Variants in SMG7 observed in about 807,000 individuals in gnomAD.
The protein encoded by SMG7 is SMG7 nonsense mediated mRNA decay factor, also known as nonsense-mediated mRNA decay factor SMG7.
In SMG7, 34 loss-of-function variants were observed where a neutral mutation model predicts 148.2. That is an observed-to-expected ratio of 0.23 (90% CI 0.17 to 0.31). SMG7 has a LOEUF of 0.31. SMG7 is among the 10% of genes least tolerant of loss of function. SMG7 has a pLI of 1.00. For missense variants in SMG7, 1,114 were observed against 1,408.4 expected, an observed-to-expected ratio of 0.79 and a Z score of 3.35; for synonymous variants, 492 against 515.1, an observed-to-expected ratio of 0.96 and a Z score of 0.61.
chr1:183,537,479 A>G (rs1667998086), intron 11 of SMG7, among the ~76,000 whole-genome samples: 1 of 152,154 alleles, frequency 6.6e-6, no homozygotes, highest in Non-Finnish European at 1.5e-5. Context: ...CTTCCTCCTC[A>G]TTCTTACTAT....
chr1:183,489,709 A>G (rs1244466329), intron 1 of SMG7, among the ~76,000 whole-genome samples: 1 of 152,158 alleles, frequency 6.6e-6, no homozygotes, highest in Non-Finnish European at 1.5e-5. Flanking sequence ...AAAGAAGTAT[A>G]AGGGCATTAG....
chr1:183,530,156 C>T (rs1666606899), intron 8 of SMG7, among the ~76,000 whole-genome samples: 1 of 152,032 alleles, frequency 6.6e-6, no homozygotes, highest in African/African-American at 2.4e-5. Context: ...TTTGACTACT[C>T]ATCGGTCATT....
intron 18 of SMG7, among the ~76,000 whole-genome samples, chr1:183,548,420 T>C (rs1670324360): frequency 6.6e-6 from 1 of 152,192 alleles, no homozygotes; most frequent in African/African-American, 2.4e-5. Context: ...AATCCCTTAG[T>C]TCCTGTTCCT....
At chr1:183,513,006 A>G (rs1248588781) in intron 2 of SMG7, 138 bp downstream of exon 2, 2 of 716,714 alleles carry the variant, frequency 2.8e-6, no homozygotes, top group Non-Finnish European at 4.5e-6. Flanking sequence ...TATCTGCTTT[A>G]AATATTTATT....
At chr1:183,494,583 C>T (rs1168634404) in intron 1 of SMG7, among the ~76,000 whole-genome samples, 1 of 149,934 alleles carries the variant, frequency 6.7e-6, no homozygotes, top group Non-Finnish European at 1.5e-5. Flanking sequence ...CAAATTTCCT[C>T]AGCTCTTATG....
intron 1 of SMG7, among the ~76,000 whole-genome samples, chr1:183,504,601 A>G (rs1223948949): frequency 2.0e-5 from 3 of 152,152 alleles, no homozygotes; most frequent in Non-Finnish European, 2.9e-5. Flanking sequence ...GGCCTCCCAA[A>G]GTACTGGGAT....
intron 1 of SMG7, among the ~76,000 whole-genome samples, chr1:183,506,327 A>G (rs1660879207): frequency 1.3e-5 from 2 of 152,160 alleles, no homozygotes; most frequent in Non-Finnish European, 2.9e-5. Flanking sequence ...GCAAATTAGT[A>G]TTTTTATTAA....
intron 1 of SMG7, among the ~76,000 whole-genome samples, chr1:183,511,285 AT>A (rs1662092063): frequency 6.6e-6 from 1 of 152,206 alleles, no homozygotes; most frequent in Admixed American, 6.5e-5. Flanking sequence ...TGTGATGAGC[AT>A]TCTTAAAATC....
At chr1:183,536,072 G>A (rs1036092337) in intron 10 of SMG7, among the ~76,000 whole-genome samples, 1 of 151,862 alleles carries the variant, frequency 6.6e-6, no homozygotes, top group African/African-American at 2.4e-5. Context: ...GATTATTTAC[G>A]TCCAGTTTCT....
chr1:183,519,051 G>T (rs545919520), intron 4 of SMG7, among the ~76,000 whole-genome samples: 1 of 152,228 alleles, frequency 6.6e-6, no homozygotes, highest in South Asian at 2.1e-4. Flanking sequence ...ATTCAAGCAG[G>T]TTGTGGTGCT....
In SMG7 at chr1:183,537,163, T is replaced by C. The variant is rs1246266242; in HGVS notation, c.1182T>C (p.Ile394=). The C allele has an allele frequency of 1.2e-6, 2 of 1,612,984 alleles. No homozygotes were observed. Among genetic ancestry groups the C allele is most frequent in the East Asian group, 4.5e-5 (2 of 44,818 alleles). The change falls in exon 11 of 23, where the codon ATT becomes ATC. Residue 394 remains isoleucine (I), a synonymous_variant. Transcript: ENST00000688051. ...TTTACAGCATTTGGCCCTGGTTGAT[T>C]TCTCTTCTGAATAGTTTCCATCCCC... ...DERQYIWPWL[I]SLLNSFHPHE... is the part of the protein sequence containing the mutation.
chr1:183,517,113 A>G (rs1663725747), intron 3 of SMG7, among the ~76,000 whole-genome samples: 1 of 152,232 alleles, frequency 6.6e-6, no homozygotes, highest in Non-Finnish European at 1.5e-5. Context: ...TTGGTATGCC[A>G]TATTTCAGCA....
At chr1:183,490,689 T>C (rs921751677) in intron 1 of SMG7, among the ~76,000 whole-genome samples, 2 of 152,214 alleles carry the variant, frequency 1.3e-5, no homozygotes, top group African/African-American at 2.4e-5. Context: ...TAATAAAATA[T>C]ATTTATTTTA....
chr1:183,481,669 G>A (rs1435182358), intron 1 of SMG7, among the ~76,000 whole-genome samples: 1 of 152,136 alleles, frequency 6.6e-6, no homozygotes, highest in East Asian at 1.9e-4. Flanking sequence ...GCTCCTGAGG[G>A]AGACAGATGT....
chr1:183,499,339 A>G (rs1376761246), intron 1 of SMG7, among the ~76,000 whole-genome samples: 4 of 152,118 alleles, frequency 2.6e-5, no homozygotes, highest in African/African-American at 9.7e-5. Context: ...TTCCAAAGTG[A>G]CTGTACTATT....
intron 1 of SMG7, among the ~76,000 whole-genome samples, chr1:183,500,360 G>C (rs1455453717): frequency 1.3e-5 from 2 of 152,136 alleles, no homozygotes; most frequent in African/African-American, 2.4e-5. Flanking sequence ...TTAAGAAAAA[G>C]GATGTTATTC....
chr1:183,508,161 A>G, intron 1 of SMG7: 1 of 968,128 alleles, frequency 1.0e-6, no homozygotes, highest in Non-Finnish European at 1.2e-6. Flanking sequence ...GGTTTTTATA[A>G]CAAAACCATA....
Position 183,552,425 on chromosome 1 carries a change from C to T in SMG7, c.*494C>T. 1 of 990,648 alleles carries T rather than the reference C, an allele frequency of 1.0e-6. No individual in the cohort carries two copies. The allele number at this position is 990,648 out of a possible 1,614,324, so 61.4% of individuals were successfully genotyped here. A position where few individuals can be genotyped will look rare whatever the true frequency, so the allele number is the denominator to read the frequency against. ...TATTACTCTCAGTAGTAAAATATCA[C>T]ACTGAATTCTTCCATACACAGGTGT... On this transcript the variant is annotated 3_prime_UTR_variant, in exon 23 of 23. Coordinates refer to ENST00000688051, the MANE Select transcript of SMG7 (RefSeq NM_001375584.1).
intron 1 of SMG7, among the ~76,000 whole-genome samples, chr1:183,495,207 A>G (rs1658193240): frequency 6.6e-6 from 1 of 152,090 alleles, no homozygotes; most frequent in South Asian, 2.1e-4. Flanking sequence ...TTTGATTAAA[A>G]TGCCTTTGTG....
Sources: gnomAD v4.1 joint callset for allele counts (sites outside exome capture counted in the v4.1 genomes callset) on GRCh38, gnomAD v4.1.1 for gene constraint, MANE v1.5 for transcripts, NCBI Gene and HGNC (gene_info 2026-07-23, HGNC 2026-07-21) for gene names.